FRY: variants seen among roughly 807,000 people sequenced by gnomAD.
The protein encoded by FRY is protein furry homolog.
A neutral mutation model predicts 348.4 loss-of-function variants in FRY; 128 were observed. That is an observed-to-expected ratio of 0.37 (90% CI 0.32 to 0.43). The LOEUF (loss-of-function observed/expected upper bound fraction) is 0.43, where lower values mean the gene tolerates loss of function less well. Among genes scored for constraint, FRY ranks in the 20% least tolerant of loss-of-function variants. The pLI is 1.00. For synonymous variants in FRY, 1,370 were observed against 1,374.7 expected (o/e 1.00, Z 0.08); for missense variants, 2,736 against 3,695.2 (o/e 0.74, Z 6.73).
At chr13:32,078,268 C>T (rs1423983728) in intron 1 of FRY, among the ~76,000 whole-genome samples, 2 of 152,182 alleles carry the variant, frequency 1.3e-5, no homozygotes, top group Non-Finnish European at 2.9e-5. Context: ...AAACCTTGGA[C>T]GGCAAACAGA....
At chr13:32,107,765 A>G (rs1040203982) in intron 3 of FRY, among the ~76,000 whole-genome samples, 1 of 152,200 alleles carries the variant, frequency 6.6e-6, no homozygotes, top group Non-Finnish European at 1.5e-5. Flanking sequence ...CCCTGCCCTG[A>G]GGAGCCAGGG....
intron 1 of FRY, among the ~76,000 whole-genome samples, chr13:32,060,679 C>T (rs895352975): frequency 2.6e-4 from 39 of 152,108 alleles, no homozygotes; most frequent in African/African-American, 8.7e-4. Flanking sequence ...CAGGGGGCAG[C>T]GTGTGTATTT....
chr13:32,178,848 C>A lies in FRY; in HGVS notation c.2686C>A (p.Pro896Thr). The change falls in exon 22 of 61, where the codon CCA (proline) becomes ACA (threonine). Residue 896 changes from proline to threonine, a missense_variant. Coordinates refer to ENST00000542859, the MANE Select transcript of FRY (RefSeq NM_023037.3). ...SVMPLVDPNS[P>T]INAKKTSTAG... ...TTTTCGACTCCATATTTCTAGTAGC[C>A]CAATTAATGCCAAGAAAACCAGCAC... The A allele has an allele frequency of 6.2e-7, 1 of 1,607,744 alleles. No homozygotes were observed. Among genetic ancestry groups the A allele is most frequent in the Non-Finnish European group, 8.5e-7 (1 of 1,174,252 alleles).
intron 23 of FRY, among the ~76,000 whole-genome samples, chr13:32,182,481 A>C (rs955669730): frequency 6.6e-6 from 1 of 152,206 alleles, no homozygotes; most frequent in Non-Finnish European, 1.5e-5. Context: ...CAGTTTGCGG[A>C]GCACAGATCC....
Position 32,262,323 on chromosome 13 carries a change from C to G in FRY, c.7627C>G (p.Leu2543Val). The part of the protein sequence containing the change: ...ILEHSDLIMT[L>V]SPSEETNPME... The stretch of plus-strand genomic sequence containing the variant: ...TTTGCTTTTTAAACAGATCATGACT[C>G]TCTCCCCCTCTGAAGAGACGAATCC... Residue 2543 changes from leucine (L) to valine (V), a missense_variant, in exon 53 of 61, where the codon CTC (leucine) becomes GTC (valine). By Grantham distance (32) the Leu-to-Val change is conservative (BLOSUM62 1). Transcript: ENST00000542859. 1 of 1,613,442 alleles carries G rather than the reference C, an allele frequency of 6.2e-7. No homozygotes were observed. The highest frequency in any genetic ancestry group is 1.1e-5 in the South Asian group (1 of 91,052).
Position 32,128,444 on chromosome 13 carries a change from T to G in FRY, c.717-3228T>G, listed in dbSNP as rs114834355. The stretch of plus-strand genomic sequence containing the variant: ...TAACACATAGTAGGCCCCCGGTAAA[T>G]TATTACTATTGTGATTCACATGGCT... On this transcript the variant is annotated intron_variant, in intron 7 of 60. Transcript: ENST00000542859. Among the ~76,000 whole-genome samples, 747 of 152,268 alleles carry G rather than the reference T, an allele frequency of 4.9e-3. 6 individuals carry two copies. Among genetic ancestry groups the G allele is most frequent in the African/African-American group, 0.017 (721 of 41,536 alleles).
At chr13:32,245,066 C>CA (rs1886713734) in intron 47 of FRY, among the ~76,000 whole-genome samples, 2 of 152,148 alleles carry the variant, frequency 1.3e-5, no homozygotes, top group Admixed American at 1.3e-4. Flanking sequence ...CCTTCTGCCT[C>CA]AACCTCCCAA....
chr13:32,078,518 G>A (rs917848495), intron 1 of FRY, among the ~76,000 whole-genome samples: 2 of 151,972 alleles, frequency 1.3e-5, no homozygotes, highest in African/African-American at 2.4e-5. Context: ...TGCTGTTTCC[G>A]TAGAACCAAA....
intron 37 of FRY, 56 bp from the exon 38 acceptor site, chr13:32,224,877 A>T: frequency 1.0e-6 from 1 of 972,902 alleles, no homozygotes; most frequent in Non-Finnish European, 1.7e-6. Flanking sequence ...TTAATGATCT[A>T]CTAGTATTTC....
chr13:32,122,664 A>T (rs1047705084), intron 4 of FRY, among the ~76,000 whole-genome samples: 4 of 152,198 alleles, frequency 2.6e-5, no homozygotes, highest in South Asian at 2.1e-4. Context: ...CTTCTTTAAC[A>T]TAGTACTAGA....
At chr13:32,266,423 A>G (rs1887930348) in intron 54 of FRY, among the ~76,000 whole-genome samples, 1 of 152,064 alleles carries the variant, frequency 6.6e-6, no homozygotes, top group Admixed American at 6.5e-5. Flanking sequence ...TCTTCCAGGC[A>G]TTTGTGCATA....
chr13:32,211,463 A>G (rs746346386), intron 34 of FRY, among the ~76,000 whole-genome samples: 1 of 152,222 alleles, frequency 6.6e-6, no homozygotes, highest in Admixed American at 6.5e-5. Flanking sequence ...TATCTCAAAA[A>G]AAAGAGAATA....
chr13:32,032,938 A>G (rs1872317885), intron 1 of FRY, among the ~76,000 whole-genome samples: 3 of 152,228 alleles, frequency 2.0e-5, no homozygotes, highest in Non-Finnish European at 4.4e-5. Flanking sequence ...GATTGTTCTT[A>G]TATAAACAAA....
At chr13:32,173,764 T>A (rs1056065483) in intron 19 of FRY, among the ~76,000 whole-genome samples, 3 of 152,220 alleles carry the variant, frequency 2.0e-5, no homozygotes, top group Non-Finnish European at 1.5e-5. Context: ...AAATCCCAGT[T>A]CTCCAGGGAC....
At chr13:32,051,943 T>G (rs1400806307) in intron 1 of FRY, among the ~76,000 whole-genome samples, 1 of 152,248 alleles carries the variant, frequency 6.6e-6, no homozygotes, top group South Asian at 2.1e-4. Flanking sequence ...ATTTTTTCCC[T>G]AGTCAGTTTT....
chr13:32,031,908 A>G (rs1415259938), intron 1 of FRY, 43 bp downstream of exon 1: 3 of 1,085,244 alleles, frequency 2.8e-6, no homozygotes, highest in Non-Finnish European at 2.8e-6. Flanking sequence ...TGTTTGCTGG[A>G]TGTTGCATAA....
chr13:32,269,482 G>T lies in FRY; in HGVS notation c.8136+2123G>T, dbSNP rs558456948. 2.0e-5 allele frequency among the ~76,000 whole-genome samples: 3 copies of T among 152,312 alleles called. No homozygotes were observed. In the South Asian group the frequency reaches 6.2e-4, roughly 32 times the overall value. The stretch of plus-strand genomic sequence containing the variant: ...GAGGTGGGAGGACCACCTGAGGTCA[G>T]AAATTCGAGACCAGCCTGGCCAACA... On this transcript the variant is annotated intron_variant, in intron 55 of 60. Coordinates refer to ENST00000542859, the MANE Select transcript of FRY (RefSeq NM_023037.3).
intron 11 of FRY, 113 bp from the exon 12 acceptor site, chr13:32,147,169 C>T (rs1593667018): frequency 1.4e-6 from 1 of 697,334 alleles, no homozygotes; most frequent in East Asian, 2.8e-5. Flanking sequence ...CTCATAAGTA[C>T]CCAGCCATCC....
At chr13:32,033,685 C>T (rs1474847959) in intron 1 of FRY, among the ~76,000 whole-genome samples, 3 of 152,232 alleles carry the variant, frequency 2.0e-5, no homozygotes, top group Non-Finnish European at 4.4e-5. Context: ...ATGTGCCAGG[C>T]TGTGGGGCTA....
Sources: gnomAD v4.1 joint callset for allele counts (sites outside exome capture counted in the v4.1 genomes callset) on GRCh38, gnomAD v4.1.1 for gene constraint, MANE v1.5 for transcripts, NCBI Gene and HGNC (gene_info 2026-07-23, HGNC 2026-07-21) for gene names.